GRIA4: variants seen among roughly 807,000 people sequenced by gnomAD.
The protein encoded by GRIA4 is glutamate ionotropic receptor AMPA type subunit 4.
In GRIA4, 34 loss-of-function variants were observed where a neutral mutation model predicts 104.0. That is an observed-to-expected ratio of 0.33 (90% CI 0.25 to 0.44). The LOEUF is 0.44. Among genes scored for constraint, GRIA4 ranks in the 20% least tolerant of loss-of-function variants. GRIA4 has a pLI of 1.00. For missense variants in GRIA4, 750 were observed against 1,096.5 expected, an observed-to-expected ratio of 0.68 and a Z score of 4.46; for synonymous variants, 386 against 381.9, an observed-to-expected ratio of 1.01 and a Z score of -0.13.
intron 9 of GRIA4, among the ~76,000 whole-genome samples, chr11:105,909,638 T>C (rs1947161953): frequency 6.6e-6 from 1 of 152,136 alleles, no homozygotes; most frequent in Admixed American, 6.6e-5. Context: ...TTGAGTACAT[T>C]GTCTGCCTCA....
intron 4 of GRIA4, among the ~76,000 whole-genome samples, chr11:105,834,194 T>C (rs1290551547): frequency 6.6e-6 from 1 of 152,042 alleles, no homozygotes; most frequent in Non-Finnish European, 1.5e-5. Flanking sequence ...GTCTCCACAC[T>C]AAAATACATA....
chr11:105,929,562 A>C (rs1409206196), intron 13 of GRIA4, among the ~76,000 whole-genome samples: 1 of 152,124 alleles, frequency 6.6e-6, no homozygotes, highest in Non-Finnish European at 1.5e-5. Flanking sequence ...ACTTAAACAC[A>C]GTGATCTTCA....
intron 3 of GRIA4, among the ~76,000 whole-genome samples, chr11:105,726,565 A>C (rs1011502098): frequency 3.3e-5 from 5 of 152,138 alleles, no homozygotes; most frequent in Non-Finnish European, 7.3e-5. Context: ...TTCTTCCTCA[A>C]GTGGGTCCCT....
chr11:105,610,841 T>C, intron 1 of GRIA4, 67 bp from the exon 2 acceptor site: 1 of 605,020 alleles, frequency 1.7e-6, no homozygotes, highest in South Asian at 2.1e-5. Context: ...GAAACCTCTT[T>C]CCTTTTTTTT....
At chr11:105,749,086 G>A (rs912217267) in intron 3 of GRIA4, among the ~76,000 whole-genome samples, 2 of 152,156 alleles carry the variant, frequency 1.3e-5, no homozygotes, top group South Asian at 2.1e-4. Context: ...ACTAAGAAAC[G>A]CCAAGAGAGA....
chr11:105,789,407 C>T (rs972828943), intron 4 of GRIA4, among the ~76,000 whole-genome samples: 2 of 152,030 alleles, frequency 1.3e-5, no homozygotes, highest in African/African-American at 4.8e-5. Context: ...TTATCTTCTC[C>T]GAACTCATCA....
intron 14 of GRIA4, among the ~76,000 whole-genome samples, chr11:105,946,380 T>C (rs1948313235): frequency 6.6e-6 from 1 of 151,982 alleles, no homozygotes; most frequent in Non-Finnish European, 1.5e-5. Flanking sequence ...CCCAGGAGAT[T>C]GAGACTGGCC....
chr11:105,898,989 C>A (rs768679212), intron 7 of GRIA4, among the ~76,000 whole-genome samples: 1 of 152,088 alleles, frequency 6.6e-6, no homozygotes, highest in Non-Finnish European at 1.5e-5. Flanking sequence ...CTTTCTTAGA[C>A]CTCATGTTAA....
At chr11:105,634,502 A>G (rs1951143948) in intron 3 of GRIA4, among the ~76,000 whole-genome samples, 1 of 74,456 alleles carries the variant, frequency 1.3e-5, no homozygotes, top group Non-Finnish European at 3.3e-5. Context: ...AGAAAGAAAG[A>G]AAGAAAGAAA....
intron 3 of GRIA4, among the ~76,000 whole-genome samples, chr11:105,695,434 G>A (rs935528231): frequency 6.6e-6 from 1 of 151,090 alleles, no homozygotes; most frequent in South Asian, 2.1e-4. Context: ...GAGAGAGAGA[G>A]TGTATGCGTG....
chr11:105,716,002 C>T lies in GRIA4; in HGVS notation c.248-36979C>T, dbSNP rs185234002. On this transcript the variant is annotated intron_variant, in intron 3 of 16. Transcript: ENST00000282499. ...GGCCCAGGAAGAAGAGGAAAGTAGACATACAGGGCTCTGTTACAAACATTA... is the reference window on the plus strand; with the variant it reads ...GGCCCAGGAAGAAGAGGAAAGTAGATATACAGGGCTCTGTTACAAACATTA... 5.6e-4 allele frequency among the ~76,000 whole-genome samples: 85 copies of T among 152,292 alleles called. 1 individual carries two copies. The highest frequency in any genetic ancestry group is 6.8e-3 in the Middle Eastern group (2 of 294).
chr11:105,636,679 A>G, intron 3 of GRIA4, among the ~76,000 whole-genome samples: 1 of 152,164 alleles, frequency 6.6e-6, no homozygotes, highest in East Asian at 1.9e-4. Context: ...TGGTGTGACA[A>G]GGTCATTGTT....
At chr11:105,704,852 A>G (rs1953636196) in intron 3 of GRIA4, among the ~76,000 whole-genome samples, 1 of 152,134 alleles carries the variant, frequency 6.6e-6, no homozygotes, top group Non-Finnish European at 1.5e-5. Context: ...TAGTTTATGA[A>G]TTTAACTCAC....
intron 8 of GRIA4, among the ~76,000 whole-genome samples, 158 bp from the exon 9 acceptor site, chr11:105,905,039 G>T (rs1946993184): frequency 6.6e-6 from 1 of 152,152 alleles, no homozygotes; most frequent in African/African-American, 2.4e-5. Flanking sequence ...TCCTATTTCA[G>T]ATGCTATCCC....
chr11:105,871,547 TA>T (rs887352862), intron 5 of GRIA4, among the ~76,000 whole-genome samples: 5 of 151,434 alleles, frequency 3.3e-5, no homozygotes, highest in African/African-American at 1.2e-4. Flanking sequence ...TTAACAAATG[TA>T]AATATGTCTA....
intron 3 of GRIA4, among the ~76,000 whole-genome samples, chr11:105,751,052 A>T (rs2135688259): frequency 6.6e-6 from 1 of 152,308 alleles, no homozygotes; most frequent in East Asian, 1.9e-4. Flanking sequence ...CGACTTGTAA[A>T]TCCTGTTTGT....
intron 3 of GRIA4, among the ~76,000 whole-genome samples, chr11:105,730,915 C>T (rs1938545180): frequency 6.6e-6 from 1 of 152,028 alleles, no homozygotes; most frequent in Admixed American, 6.6e-5. Flanking sequence ...GACCTAAAAC[C>T]ATAAAAACCC....
chr11:105,913,233 C>A, intron 10 of GRIA4: 1 of 396,556 alleles, frequency 2.5e-6, no homozygotes, highest in Non-Finnish European at 3.4e-6. Flanking sequence ...AGAAAGCAGA[C>A]CAGAAACATA....
intron 3 of GRIA4, among the ~76,000 whole-genome samples, chr11:105,628,002 A>C (rs1950931415): frequency 6.6e-6 from 1 of 152,186 alleles, no homozygotes. Context: ...CAGAGTAATA[A>C]AAACTTGTTA....
Sources: allele counts gnomAD v4.1 joint callset (sites outside exome capture counted in the v4.1 genomes callset), GRCh38; gene constraint gnomAD v4.1.1; transcripts MANE v1.5; gene names NCBI Gene and HGNC (gene_info 2026-07-23, HGNC 2026-07-21).